The following MBP variants were observed in gnomAD, a reference collection of about 807,000 sequenced individuals.
MBP encodes the protein Golli-MBP.
Under a neutral mutation model 35.8 loss-of-function variants are expected in MBP, and 16 were observed. The observed-to-expected ratio is 0.45, with a 90% CI of 0.30 to 0.68. The LOEUF (loss-of-function observed/expected upper bound fraction) is 0.68. Among genes scored for constraint, MBP ranks in the 30% least tolerant of loss-of-function variants. MBP has a pLI of 0.08. For synonymous variants in MBP, 143 were observed against 159.6 expected (o/e 0.90, Z 0.78); for missense variants, 380 against 404.7 (o/e 0.94, Z 0.52).
chr18:77,012,408 G>A (rs1279967965), intron 4 of MBP, among the ~76,000 whole-genome samples: 2 of 152,230 alleles, frequency 1.3e-5, no homozygotes, highest in African/African-American at 4.8e-5. Flanking sequence ...TTTGCGGGAT[G>A]ATGCTTTGAG....
chr18:77,050,926 A>G (rs1973463482), intron 3 of MBP, among the ~76,000 whole-genome samples: 1 of 152,176 alleles, frequency 6.6e-6, no homozygotes, highest in South Asian at 2.1e-4. Flanking sequence ...CCCGGGGCAA[A>G]TTATTATGGT....
At chr18:76,985,186 T>TA in intron 7 of MBP, 1 of 1,463,014 alleles carries the variant, frequency 6.8e-7, no homozygotes, top group Non-Finnish European at 9.1e-7. Flanking sequence ...CTAAGTCGTT[T>TA]AGGGAACAGT....
At chr18:77,067,080 G>A (rs1974229600) in intron 2 of MBP, among the ~76,000 whole-genome samples, 1 of 152,240 alleles carries the variant, frequency 6.6e-6, no homozygotes, top group Non-Finnish European at 1.5e-5. Flanking sequence ...ACATGGTTCA[G>A]CTTCCTGATA....
chr18:77,113,454 CTG>C lies in MBP; in HGVS notation c.-25-8170_-25-8169del, dbSNP rs200639380. ...GACTTTGCACTTCTGGCCTCCAGGACTGTGTGTGTGTGGGGGGCTGCTTCTGC... is the reference window on the plus strand; with the variant it reads ...GACTTTGCACTTCTGGCCTCCAGGACTGTGTGTGTGGGGGGCTGCTTCTGC... On this transcript the variant is annotated intron_variant, in intron 1 of 8. Transcript: ENST00000355994. 12 of 152,366 alleles carry C rather than the reference CTG, an allele frequency of 7.9e-5. 1 individual carries two copies. The Middle Eastern group carries it at 0.01, about 130-fold the overall frequency. 9.4% of individuals were successfully genotyped at this position (152,366 alleles called of 1,614,324 possible).
At chr18:77,042,226 T>C (rs1446528805) in intron 3 of MBP, among the ~76,000 whole-genome samples, 4 of 152,156 alleles carry the variant, frequency 2.6e-5, no homozygotes, top group Admixed American at 1.3e-4. Flanking sequence ...TGGCATGCTC[T>C]CTTATCCTTT....
Position 77,102,207 on chromosome 18 carries a change from A to T in MBP, c.51+3004T>A, listed in dbSNP as rs970691236. Among the ~76,000 whole-genome samples, 1 of 152,138 alleles carries T rather than the reference A, an allele frequency of 6.6e-6. No individual in the cohort carries two copies. The highest frequency in any genetic ancestry group is 1.5e-5 in the Non-Finnish European group (1 of 68,004). ...CTGGGCCGGGCAGTGGGGCAGAGGC[A>T]GTGTGTGGGGTAGACCGGGCAGCCC... is the stretch of plus-strand genomic sequence containing the variant. On this transcript the variant is annotated intron_variant, in intron 2 of 8. Transcript: ENST00000355994. This position sits in a 1 kb window ranked among gnomAD's most constrained non-coding sequence, Gnocchi z 4.4.
At chr18:77,059,726 G>C (rs981259734) in intron 3 of MBP, among the ~76,000 whole-genome samples, 35 of 151,950 alleles carry the variant, frequency 2.3e-4, no homozygotes, top group African/African-American at 8.0e-4. Flanking sequence ...CTTCCACCTG[G>C]TGGCCAATTC....
chr18:77,009,250 T>C (rs559012002), intron 4 of MBP, among the ~76,000 whole-genome samples: 4 of 152,284 alleles, frequency 2.6e-5, no homozygotes, highest in African/African-American at 9.6e-5. Flanking sequence ...CTGGCACCTA[T>C]GTGCTTTGAG....
At chr18:77,006,938 G>C (rs1029507086) in intron 4 of MBP, 3 of 152,748 alleles carry the variant, frequency 2.0e-5, no homozygotes, top group African/African-American at 7.2e-5. Context: ...GACAGACAGA[G>C]AGACAGGGAG....
intron 1 of MBP, among the ~76,000 whole-genome samples, chr18:77,130,675 T>C (rs1038569407): frequency 1.7e-4 from 26 of 150,002 alleles, no homozygotes; most frequent in Admixed American, 1.1e-3. Flanking sequence ...ACAAGAAAGT[T>C]TGGTCTCTTG....
In MBP at chr18:77,015,795, T is replaced by C. The variant is rs118032229; in HGVS notation, c.576+1037A>G. 2.2e-3 allele frequency: 2,215 copies of C among 985,490 alleles called. 3 individuals are homozygous for C. The highest frequency in any genetic ancestry group is 2.5e-3 in the Non-Finnish European group (2,109 of 829,940). The allele number at this position is 985,490 out of a possible 1,614,324, so 61.0% of individuals were successfully genotyped here. A position where few individuals can be genotyped will look rare whatever the true frequency, so the allele number is the denominator to read the frequency against. On this transcript the variant is annotated intron_variant, in intron 4 of 8. Coordinates refer to ENST00000355994, the MANE Select transcript of MBP (RefSeq NM_001025101.2). ...AACTCCTTAACTCCAAGTTGCCCTATGGTTTTTATGATTGCATGTTATCAG... is the reference window on the plus strand; with the variant it reads ...AACTCCTTAACTCCAAGTTGCCCTACGGTTTTTATGATTGCATGTTATCAG...
At chr18:77,119,125 C>G (rs986622698) in intron 1 of MBP, among the ~76,000 whole-genome samples, 3 of 152,196 alleles carry the variant, frequency 2.0e-5, no homozygotes, top group Non-Finnish European at 4.4e-5. Context: ...GCTGGGGCAG[C>G]CATGGCTTGG....
intron 8 of MBP, chr18:76,982,712 T>A (rs1969278045): frequency 1.3e-5 from 2 of 152,230 alleles, no homozygotes; most frequent in East Asian, 3.9e-4. Flanking sequence ...TCCATCTGCC[T>A]GCCTCTAGAC....
chr18:77,073,723 C>G (rs541175818), intron 2 of MBP, among the ~76,000 whole-genome samples: 4 of 152,322 alleles, frequency 2.6e-5, no homozygotes, highest in African/African-American at 9.6e-5. Context: ...TCCTGCCTGG[C>G]TTGCAGGACA....
chr18:77,015,350 A>G (rs1035210348), intron 4 of MBP: 14 of 985,282 alleles, frequency 1.4e-5, no homozygotes, highest in Non-Finnish European at 1.4e-5. Context: ...ATGCTTACAT[A>G]ATAGCAACGC....
chr18:77,106,959 G>A (rs1976299111), intron 1 of MBP, among the ~76,000 whole-genome samples: 1 of 152,128 alleles, frequency 6.6e-6, no homozygotes, highest in Non-Finnish European at 1.5e-5. Context: ...CCAAGGGAAA[G>A]GCCAAATTCA....
Position 77,066,325 on chromosome 18 carries a change from T to A in MBP, c.112A>T (p.Thr38Ser). The A allele has an allele frequency of 1.2e-6, 2 of 1,614,232 alleles. No individual in the cohort carries two copies. The highest frequency in any genetic ancestry group is 1.7e-6 in the Non-Finnish European group (2 of 1,180,018). Reference sequence around the variant, plus strand: ...AACACTTCGTTGTCCTCTGAGGTTGTCCGTGAAAGTTCACCCAGGTTTCTC... The same window carrying A: ...AACACTTCGTTGTCCTCTGAGGTTGACCGTGAAAGTTCACCCAGGTTTCTC... ...KKRNLGELSR[T>S]TSEDNEVFGE... Residue 38 changes from threonine (T) to serine (S), a missense_variant, in exon 3 of 9, where the codon ACA becomes TCA. Coordinates refer to ENST00000355994, the MANE Select transcript of MBP (RefSeq NM_001025101.2).
chr18:77,028,964 C>G lies in MBP; in HGVS notation c.140-11696G>C, dbSNP rs1429487530. Among the ~76,000 whole-genome samples the G allele has an allele frequency of 1.0e-4, 11 of 107,654 alleles. 2 individuals carry two copies. The highest frequency in any genetic ancestry group is 3.0e-4 in the African/African-American group (11 of 36,320). The allele number at this position is 107,654 out of a possible 152,430, so 70.6% of individuals were successfully genotyped here. The stretch of plus-strand genomic sequence containing the variant: ...CCAGGCAGAGGGGCTCCATCCCAGA[C>G]AATGGGCGGCCAGGCAGAGACGCTC... On this transcript the variant is annotated intron_variant, in intron 3 of 8. Transcript: ENST00000355994.
At chr18:77,033,682 T>G (rs1346233785) in intron 3 of MBP, among the ~76,000 whole-genome samples, 1 of 151,930 alleles carries the variant, frequency 6.6e-6, no homozygotes, top group Non-Finnish European at 1.5e-5. Context: ...CATCCATATA[T>G]CAATTTATCC....
Sources: gnomAD v4.1 joint callset for allele counts (sites outside exome capture counted in the v4.1 genomes callset) on GRCh38, gnomAD v4.1.1 for gene constraint, Gnocchi (gnomAD v3.1) non-coding constraint, MANE v1.5 for transcripts, NCBI Gene and HGNC (gene_info 2026-07-23, HGNC 2026-07-21) for gene names.